ATAD2: variants seen among roughly 807,000 people sequenced by gnomAD.
The protein encoded by ATAD2 is ATPase family AAA domain containing 2.
Under a neutral mutation model 168.9 loss-of-function variants are expected in ATAD2, and 62 were observed. That is an observed-to-expected ratio of 0.37 (90% confidence interval 0.30 to 0.45). ATAD2 has a LOEUF of 0.45. Ranked by LOEUF, ATAD2 falls within the 20% of genes least tolerant of loss-of-function variation. The pLI is 1.00. For missense variants in ATAD2, 1,419 were observed against 1,667.8 expected, an observed-to-expected ratio of 0.85 and a Z score of 2.60; for synonymous variants, 613 against 571.6, an observed-to-expected ratio of 1.07 and a Z score of -1.03.
At position 123,371,656 on chromosome 8, in the gene ATAD2, G is replaced by C. The variant is rs1353721634; in HGVS notation, c.536+14C>G. Reference sequence around the variant, plus strand: ...GACAGATAAATCATCTTGATCTAAGGAATTTTTACTTACTTAGTTATAAGT... The same window carrying C: ...GACAGATAAATCATCTTGATCTAAGCAATTTTTACTTACTTAGTTATAAGT... On this transcript the variant is annotated intron_variant, in intron 4 of 27. Transcript: ENST00000287394. 1.3e-6 allele frequency: 2 copies of C among 1,587,558 alleles called. No individual in the cohort carries two copies. Among genetic ancestry groups the C allele is most frequent in the Non-Finnish European group, 8.5e-7 (1 of 1,170,540 alleles).
At chr8:123,393,677 G>A (rs1586907684) in intron 1 of ATAD2, among the ~76,000 whole-genome samples, 1 of 152,082 alleles carries the variant, frequency 6.6e-6, no homozygotes, top group East Asian at 1.9e-4. Flanking sequence ...AGCACTTCGG[G>A]AGGCTGAGGT....
At chr8:123,406,252 C>T (rs1425676231) in intron 1 of ATAD2, among the ~76,000 whole-genome samples, 1 of 151,736 alleles carries the variant, frequency 6.6e-6, no homozygotes, top group African/African-American at 2.4e-5. Flanking sequence ...TGGCACATGC[C>T]TATAATCCCA....
Position 123,396,413 on chromosome 8 carries a change from G to C in ATAD2, c.-56C>G, listed in dbSNP as rs1052316025. ...ACCGGAGAGAGATCCAGCTCCAGGC[G>C]CTCGCAGCTCTGGCTCTTCCGCGCT... On this transcript the variant is annotated 5_prime_UTR_variant, in exon 1 of 28. Transcript: ENST00000287394. 51 of 1,457,530 alleles carry C rather than the reference G, an allele frequency of 3.5e-5. No individual in the cohort carries two copies. Among genetic ancestry groups the C allele is most frequent in the Admixed American group, 1.7e-4 (7 of 41,504 alleles). 90.3% of individuals were successfully genotyped at this position (1,457,530 alleles called of 1,614,324 possible). A position where few individuals can be genotyped will look rare whatever the true frequency, so the allele number is the denominator to read the frequency against.
intron 8 of ATAD2, among the ~76,000 whole-genome samples, chr8:123,368,075 A>G (rs1418118719): frequency 6.6e-6 from 1 of 152,204 alleles, no homozygotes; most frequent in Non-Finnish European, 1.5e-5. Flanking sequence ...TCTCTCATTC[A>G]TGAACTACCA....
chr8:123,356,898 G>T (rs557651698), intron 12 of ATAD2, among the ~76,000 whole-genome samples: 1 of 152,060 alleles, frequency 6.6e-6, no homozygotes, highest in South Asian at 2.1e-4. Context: ...TTTTCAACCA[G>T]AAGTATTCAA....
At chr8:123,334,584 A>C (rs976690290) in intron 22 of ATAD2, among the ~76,000 whole-genome samples, 8 of 152,246 alleles carry the variant, frequency 5.3e-5, no homozygotes, top group Non-Finnish European at 1.2e-4. Flanking sequence ...TCAGAAAAAA[A>C]AAAGGAATCA....
chr8:123,378,790 GAGA>G (rs1461125284), intron 2 of ATAD2, among the ~76,000 whole-genome samples: 5 of 148,066 alleles, frequency 3.4e-5, no homozygotes, highest in Admixed American at 2.0e-4. Flanking sequence ...GTTTATTTAT[GAGA>G]AGAAGTAATG....
chr8:123,346,699 A>ACAT lies in ATAD2; in HGVS notation c.2261_2263dup (p.Asp754dup). Reference sequence around the variant, plus strand: ...AAGTCCATTTTCATAAACTGATGGAACATCATCATCACTGTAAGCCAAGTC... The same window carrying ACAT: ...AAGTCCATTTTCATAAACTGATGGAACATCATCATCATCACTGTAAGCCAAGTC... On this transcript the variant is annotated inframe_insertion, in exon 17 of 28. Transcript: ENST00000287394. The ACAT allele has an allele frequency of 1.3e-6, 2 of 1,597,082 alleles. No individual in the cohort carries two copies. The highest frequency in any genetic ancestry group is 1.2e-5 in the South Asian group (1 of 86,416).
intron 10 of ATAD2, 24 bp from the exon 11 acceptor site, chr8:123,359,360 C>T (rs760009248): frequency 1.3e-6 from 2 of 1,534,726 alleles, no homozygotes; most frequent in Middle Eastern, 1.7e-4. Context: ...CGAACATGTA[C>T]ATTTTTAGAT....
At chr8:123,396,650 ACTT>A (rs1812855424), upstream of ATAD2, among the ~76,000 whole-genome samples, 1 of 152,212 alleles carries the variant, frequency 6.6e-6, no homozygotes, top group South Asian at 2.1e-4. Context: ...GAAAACGCTG[ACTT>A]CTTTTTCTTC....
At chr8:123,347,766 G>C (rs1828299740) in intron 15 of ATAD2, among the ~76,000 whole-genome samples, 1 of 152,118 alleles carries the variant, frequency 6.6e-6, no homozygotes, top group African/African-American at 2.4e-5. Flanking sequence ...TTCATCTGTA[G>C]AGATACTGCT....
At chr8:123,401,167 A>C (rs181496781), upstream of ATAD2, 1,119 of 1,007,624 alleles carry the variant, frequency 1.1e-3, 6 homozygotes, top group African/African-American at 0.011. Context: ...GAAAGAGGCA[A>C]ATGAGATCCT....
chr8:123,329,403 T>C (rs571235910), intron 24 of ATAD2, among the ~76,000 whole-genome samples: 11 of 152,096 alleles, frequency 7.2e-5, no homozygotes, highest in Non-Finnish European at 1.5e-4. Flanking sequence ...TATAGGTGTA[T>C]GCCACTGCAT....
chr8:123,320,464 A>G lies in ATAD2; in HGVS notation c.*670T>C, dbSNP rs1317077160. 1 of 152,234 alleles carries G rather than the reference A, an allele frequency of 6.6e-6. No individual in the cohort carries two copies. The highest frequency in any genetic ancestry group is 1.5e-5 in the Non-Finnish European group (1 of 68,054). 9.4% of individuals were successfully genotyped at this position (152,234 alleles called of 1,614,324 possible). On this transcript the variant is annotated 3_prime_UTR_variant, in exon 28 of 28. Transcript: ENST00000287394. ...GGTGTTTAACAAGGTAGTTATTAAT[A>G]CATTTGTTGTGTATATAATTACAAA...
At chr8:123,328,648 A>C in intron 24 of ATAD2, 69 bp from the exon 25 acceptor site, 1 of 1,408,506 alleles carries the variant, frequency 7.1e-7, no homozygotes, top group Non-Finnish European at 9.5e-7. Flanking sequence ...AGAGTGAAAA[A>C]CCCTGATATA....
At chr8:123,373,212 TG>T (rs1389548813) in intron 2 of ATAD2, among the ~76,000 whole-genome samples, 1 of 150,592 alleles carries the variant, frequency 6.6e-6, no homozygotes, top group Non-Finnish European at 1.5e-5. Context: ...AACATTTTTT[TG>T]TAGAGATGGG....
Position 123,402,958 on chromosome 8 carries a change from T to C in ATAD2, c.-2281-1783A>G, listed in dbSNP as rs1214035559. On this transcript the variant is annotated intron_variant, in intron 1 of 28. Transcript: ENST00000521903. This position sits in a 1 kb window ranked among gnomAD's most constrained non-coding sequence, Gnocchi z 4.8. ...TTTCAGGAAGTCTCCTGGTGATTCT[T>C]ATCCACAGAGTGATTTGTGTCGCGC... is the stretch of plus-strand genomic sequence containing the variant. 2.6e-5 allele frequency among the ~76,000 whole-genome samples: 4 copies of C among 152,150 alleles called. No homozygotes were observed. The highest frequency in any genetic ancestry group is 4.8e-5 in the African/African-American group (2 of 41,420).
chr8:123,383,078 A>C (rs960039006), intron 1 of ATAD2, among the ~76,000 whole-genome samples: 1 of 152,216 alleles, frequency 6.6e-6, no homozygotes, highest in African/African-American at 2.4e-5. Context: ...CATCATTCTC[A>C]GCAAACTAAC....
chr8:123,334,036 T>G lies in ATAD2; in HGVS notation c.3335-15A>C. The G allele has an allele frequency of 6.3e-7, 1 of 1,597,838 alleles. No individual in the cohort carries two copies. The highest frequency in any genetic ancestry group is 2.2e-5 in the East Asian group (1 of 44,564). ...GGAGCTACAACCTTATAAATAGATATGTGGGATGTCAAAAGGATTTCCAGA... is the reference window on the plus strand; with the variant it reads ...GGAGCTACAACCTTATAAATAGATAGGTGGGATGTCAAAAGGATTTCCAGA... On this transcript the variant is annotated splice_polypyrimidine_tract_variant and intron_variant, in intron 23 of 27. Transcript: ENST00000287394.
Sources: allele counts gnomAD v4.1 joint callset (sites outside exome capture counted in the v4.1 genomes callset), GRCh38; gene constraint gnomAD v4.1.1; non-coding constraint Gnocchi (gnomAD v3.1); transcripts MANE v1.5; gene names NCBI Gene and HGNC (gene_info 2026-07-23, HGNC 2026-07-21).